Variants in HDAC4 observed in about 807,000 individuals in gnomAD.
HDAC4 encodes the protein histone deacetylase 4, also known as histone deacetylase A.
HDAC4 carries 16 observed loss-of-function variants against 135.1 expected under a neutral mutation model. The observed-to-expected ratio is 0.12, with a 90% CI of 0.08 to 0.18. The LOEUF (loss-of-function observed/expected upper bound fraction) is 0.18. Ranked by LOEUF, HDAC4 falls within the 10% of genes least tolerant of loss-of-function variation. HDAC4 has a pLI of 1.00. For missense variants in HDAC4, 1,143 were observed against 1,511.8 expected, an observed-to-expected ratio of 0.76 and a Z score of 4.05; for synonymous variants, 685 against 653.4, an observed-to-expected ratio of 1.05 and a Z score of -0.74.
chr2:239,323,481 T>C (rs556328630), intron 2 of HDAC4, among the ~76,000 whole-genome samples: 23 of 152,358 alleles, frequency 1.5e-4, no homozygotes, highest in Middle Eastern at 6.8e-3. Context: ...TTCCCATTTA[T>C]TTAATAAACT....
At chr2:239,097,973 C>T (rs1024362741) in intron 16 of HDAC4, among the ~76,000 whole-genome samples, 4 of 152,200 alleles carry the variant, frequency 2.6e-5, no homozygotes, top group African/African-American at 9.6e-5. Flanking sequence ...AAATAATGCA[C>T]GCGCTCAGCT....
At chr2:239,382,944 G>A (rs564045904) in intron 1 of HDAC4, among the ~76,000 whole-genome samples, 3 of 152,142 alleles carry the variant, frequency 2.0e-5, no homozygotes, top group East Asian at 3.9e-4. Context: ...TGACCAGGCT[G>A]GTCGTGAACT....
At chr2:239,140,748 G>C (rs906221152) in intron 8 of HDAC4, 1 of 295,388 alleles carries the variant, frequency 3.4e-6, no homozygotes, top group Non-Finnish European at 7.1e-6. Flanking sequence ...TGGAGGGGAG[G>C]TTAAGGGATG....
intron 2 of HDAC4, among the ~76,000 whole-genome samples, chr2:239,324,377 G>A (rs2053408848): frequency 6.6e-6 from 1 of 152,252 alleles, no homozygotes; most frequent in African/African-American, 2.4e-5. Context: ...GCTGGTGAGA[G>A]TGAAAATTAA....
chr2:239,056,748 C>T (rs985982572), intron 24 of HDAC4, among the ~76,000 whole-genome samples: 13 of 152,300 alleles, frequency 8.5e-5, no homozygotes, highest in South Asian at 2.1e-4. Context: ...TTTGGAAAGG[C>T]GGTAAAAGCG....
chr2:239,284,936 G>A (rs978555158), intron 2 of HDAC4, among the ~76,000 whole-genome samples: 2 of 152,182 alleles, frequency 1.3e-5, no homozygotes, highest in Admixed American at 6.5e-5. Context: ...GGAAGCCAGA[G>A]ACAAGTGACA....
At chr2:239,251,011 A>C (rs1016231364) in intron 2 of HDAC4, among the ~76,000 whole-genome samples, 42 of 152,230 alleles carry the variant, frequency 2.8e-4, no homozygotes, top group African/African-American at 9.9e-4. Flanking sequence ...GCACGTCTGG[A>C]AAGAGACTCG....
chr2:239,259,577 A>C (rs2049233097), intron 2 of HDAC4, among the ~76,000 whole-genome samples: 1 of 152,268 alleles, frequency 6.6e-6, no homozygotes, highest in African/African-American at 2.4e-5. Context: ...TGCATAGAGG[A>C]AAATGGCCTT....
intron 2 of HDAC4, among the ~76,000 whole-genome samples, chr2:239,328,468 T>A (rs565066169): frequency 6.3e-4 from 96 of 152,274 alleles, no homozygotes; most frequent in African/African-American, 2.3e-3. Flanking sequence ...CCCCTGAGTT[T>A]CCCAGACCTG....
chr2:239,087,195 CAAAATG>C (rs1271365873), intron 19 of HDAC4, among the ~76,000 whole-genome samples: 1 of 152,238 alleles, frequency 6.6e-6, no homozygotes, highest in African/African-American at 2.4e-5. Context: ...AGGCCATGCG[CAAAATG>C]ACCTGAGTCC....
intron 12 of HDAC4, among the ~76,000 whole-genome samples, chr2:239,125,160 C>A (rs1209252836): frequency 6.6e-6 from 1 of 152,248 alleles, no homozygotes; most frequent in East Asian, 1.9e-4. Flanking sequence ...TGAAGCCTAG[C>A]CCCCAATACT....
At chr2:239,183,188 T>A (rs2044263533) in intron 4 of HDAC4, among the ~76,000 whole-genome samples, 1 of 152,282 alleles carries the variant, frequency 6.6e-6, no homozygotes, top group Admixed American at 6.5e-5. Context: ...ACTTTAAGTT[T>A]ACGTTAAGCG....
rs183957287 is a variant in HDAC4, at chr2:239,398,689, A to T, written c.-220+2289T>A. Among the ~76,000 whole-genome samples, 558 of 152,196 alleles carry T rather than the reference A, an allele frequency of 3.7e-3. 2 individuals are homozygous for T. The highest frequency in any genetic ancestry group is 0.011 in the African/African-American group (449 of 41,508). On this transcript the variant is annotated intron_variant, in intron 1 of 26. Coordinates refer to ENST00000543185, the MANE Select transcript of HDAC4 (RefSeq NM_001378414.1). The stretch of plus-strand genomic sequence containing the variant: ...GAGAATATGGCATTTGGGGATTTTT[A>T]TTTTGCATGGCTAGGAAGCTGCTGA...
At chr2:239,094,974 A>C in intron 17 of HDAC4, 36 bp downstream of exon 17, 1 of 1,613,778 alleles carries the variant, frequency 6.2e-7, no homozygotes, top group Non-Finnish European at 8.5e-7. Context: ...CTCGAGAAGA[A>C]ACAGGACATT....
At chr2:239,169,992 C>T (rs2043353182) in intron 5 of HDAC4, among the ~76,000 whole-genome samples, 1 of 152,332 alleles carries the variant, frequency 6.6e-6, no homozygotes, top group Non-Finnish European at 1.5e-5. Context: ...AATATAAACC[C>T]TCCTCAGAGG....
chr2:239,385,958 C>G (rs999116459), intron 1 of HDAC4, among the ~76,000 whole-genome samples: 3 of 152,202 alleles, frequency 2.0e-5, no homozygotes, highest in African/African-American at 7.2e-5. Context: ...CAGGAAAGCT[C>G]AGGTGTGCCC....
At chr2:239,104,499 G>A (rs1247547964) in intron 15 of HDAC4, among the ~76,000 whole-genome samples, 1 of 152,212 alleles carries the variant, frequency 6.6e-6, no homozygotes, top group Admixed American at 6.5e-5. Flanking sequence ...CAAAGTGCTG[G>A]TATTACAGGA....
At position 239,083,537 on chromosome 2, in the gene HDAC4, A is replaced by G. The variant is rs541797381; in HGVS notation, c.2532+618T>C. On this transcript the variant is annotated intron_variant, in intron 20 of 26. Coordinates refer to ENST00000543185, the MANE Select transcript of HDAC4 (RefSeq NM_001378414.1). ...AAAAATTATGAAATAAATCATAAAT[A>G]CCAAAGAGAACACTAAATATGTATA... Among the ~76,000 whole-genome samples, 291 of 152,374 alleles carry G rather than the reference A, an allele frequency of 1.9e-3. 1 individual carries two copies. The highest frequency in any genetic ancestry group is 0.01 in the Middle Eastern group (3 of 294).
intron 2 of HDAC4, among the ~76,000 whole-genome samples, chr2:239,346,638 T>A (rs1397394606): frequency 1.4e-5 from 2 of 146,974 alleles, no homozygotes; most frequent in Non-Finnish European, 3.0e-5. Context: ...ACACACTCTG[T>A]CTAAAACACA....
Sources: gnomAD v4.1 joint callset for allele counts (sites outside exome capture counted in the v4.1 genomes callset) on GRCh38, gnomAD v4.1.1 for gene constraint, MANE v1.5 for transcripts, NCBI Gene and HGNC (gene_info 2026-07-23, HGNC 2026-07-21) for gene names.